The following UNC13B variants were observed in gnomAD, a reference collection of about 807,000 sequenced individuals.
The protein encoded by UNC13B is unc-13 homolog B, also known as protein unc-13 homolog B.
In UNC13B, 144 loss-of-function variants were observed where a neutral mutation model predicts 211.0. The observed-to-expected ratio is 0.68, with a 90% confidence interval of 0.60 to 0.78. The LOEUF is 0.78. Among genes scored for constraint, UNC13B ranks in the 30% least tolerant of loss-of-function variants. The pLI, the probability that UNC13B is intolerant of heterozygous loss-of-function variation, is 0.00. For synonymous variants in UNC13B, 709 were observed against 725.8 expected (o/e 0.98, Z 0.37); for missense variants, 1,777 against 2,002.0 (o/e 0.89, Z 2.14).
At chr9:35,379,662 A>G (rs1564181425) in intron 17 of UNC13B, among the ~76,000 whole-genome samples, 1 of 152,188 alleles carries the variant, frequency 6.6e-6, no homozygotes, top group Non-Finnish European at 1.5e-5. Flanking sequence ...TGTACAAGAC[A>G]CTATACATAA....
intron 1 of UNC13B, among the ~76,000 whole-genome samples, chr9:35,203,539 A>C (rs564171624): frequency 2.6e-5 from 4 of 152,290 alleles, no homozygotes; most frequent in African/African-American, 9.6e-5. Flanking sequence ...TGTTAGTCTG[A>C]TGGGCTTCCC....
intron 26 of UNC13B, among the ~76,000 whole-genome samples, chr9:35,395,213 G>A (rs181143488): frequency 1.8e-4 from 27 of 152,166 alleles, no homozygotes; most frequent in East Asian, 1.2e-3. Flanking sequence ...ATTCATATAC[G>A]AAAAGTCCTC....
chr9:35,266,797 T>C (rs1276832238), intron 7 of UNC13B, among the ~76,000 whole-genome samples: 1 of 152,218 alleles, frequency 6.6e-6, no homozygotes, highest in African/African-American at 2.4e-5. Flanking sequence ...ATTATTGTGA[T>C]TTATTATGTC....
At chr9:35,207,594 C>T (rs1278495777) in intron 1 of UNC13B, among the ~76,000 whole-genome samples, 1 of 151,892 alleles carries the variant, frequency 6.6e-6, no homozygotes, top group Non-Finnish European at 1.5e-5. Flanking sequence ...CTAGGCCACC[C>T]AAAGTGCTGG....
intron 7 of UNC13B, among the ~76,000 whole-genome samples, chr9:35,264,014 G>C (rs1827428459): frequency 6.6e-6 from 1 of 152,148 alleles, no homozygotes; most frequent in Non-Finnish European, 1.5e-5. Flanking sequence ...TGCAGATTTT[G>C]GTACTAAGAG....
chr9:35,353,497 C>A, intron 11 of UNC13B: 1 of 1,232,022 alleles, frequency 8.1e-7, no homozygotes, highest in Non-Finnish European at 1.0e-6. Flanking sequence ...TCAGTGTGGT[C>A]TCTGGTGGAG....
chr9:35,321,340 C>G (rs1336855495), intron 11 of UNC13B, among the ~76,000 whole-genome samples: 1 of 152,164 alleles, frequency 6.6e-6, no homozygotes, highest in Non-Finnish European at 1.5e-5. Flanking sequence ...CCCACCTCAG[C>G]CTCCCAAGTA....
intron 6 of UNC13B, among the ~76,000 whole-genome samples, chr9:35,250,128 T>TC (rs1826371805): frequency 6.6e-6 from 1 of 151,958 alleles, no homozygotes; most frequent in African/African-American, 2.4e-5. Flanking sequence ...TTATCTTTCG[T>TC]CTTTCTTCCA....
intron 7 of UNC13B, among the ~76,000 whole-genome samples, chr9:35,282,340 C>T (rs752674964): frequency 1.3e-5 from 2 of 152,124 alleles, no homozygotes; most frequent in Non-Finnish European, 2.9e-5. Context: ...TATATGTTGT[C>T]ACCCAAGTAT....
intron 6 of UNC13B, among the ~76,000 whole-genome samples, chr9:35,251,354 A>G (rs1826475942): frequency 6.6e-6 from 1 of 152,130 alleles, no homozygotes; most frequent in Middle Eastern, 3.2e-3. Context: ...GGGGGGGCCG[A>G]GGTGGTCAGA....
intron 22 of UNC13B, 180 bp from the exon 23 acceptor site, chr9:35,385,544 C>T: frequency 3.0e-6 from 3 of 985,326 alleles, no homozygotes; most frequent in Non-Finnish European, 3.6e-6. Flanking sequence ...TTGGCAAGAG[C>T]CTGTTTGCAT....
At chr9:35,335,712 AG>A (rs145275158) in intron 11 of UNC13B, among the ~76,000 whole-genome samples, 18,045 of 147,656 alleles carry the variant, frequency 0.12, 1,474 homozygotes, top group Admixed American at 0.23. Flanking sequence ...TTTTTTTTAA[AG>A]GGGTCTTGGT....
At chr9:35,191,773 TCCAAGTA>T (rs1187301899) in intron 1 of UNC13B, among the ~76,000 whole-genome samples, 3 of 152,314 alleles carry the variant, frequency 2.0e-5, no homozygotes, top group East Asian at 3.9e-4. Context: ...ACGTCATGTT[TCCAAGTA>T]CATGAAACAA....
chr9:35,401,953 C>A, intron 37 of UNC13B: 1 of 1,550,562 alleles, frequency 6.4e-7, no homozygotes. Context: ...TCATTCAGTG[C>A]ATGATGGGAA....
chr9:35,365,110 C>T (rs1196398538), intron 11 of UNC13B, among the ~76,000 whole-genome samples: 2 of 152,192 alleles, frequency 1.3e-5, no homozygotes, highest in Admixed American at 6.5e-5. Flanking sequence ...CTTCTGTAGC[C>T]CTGTTACGTG....
At chr9:35,241,602 T>A (rs563885016) in intron 5 of UNC13B, among the ~76,000 whole-genome samples, 1 of 109,866 alleles carries the variant, frequency 9.1e-6, no homozygotes, top group Non-Finnish European at 2.1e-5. Flanking sequence ...CACACCACCA[T>A]CTTCTTTTTA....
chr9:35,257,580 CAAAAAAAAA>C (rs1160474466), intron 6 of UNC13B, among the ~76,000 whole-genome samples: 11 of 36,388 alleles, frequency 3.0e-4, no homozygotes, highest in Admixed American at 5.0e-4. Context: ...GAATCTGTAT[CAAAAAAAAA>C]AAAAAAAAAA....
In UNC13B at chr9:35,389,874, G is replaced by T. The variant is rs1835420370; in HGVS notation, c.11123G>T (p.Gly3708Val). ...LKQELPPEEQ[G>V]PSIRNLDFWP... ...CAGGAGCTACCTCCAGAGGAACAAG[G>T]GCCCAGCATTCGGAACCTGGATTTC... The change falls in exon 25 of 40, where the codon GGG becomes GTG. Residue 3708 changes from glycine (G) to valine (V), a missense_variant. Physicochemically the swap from Gly to Val is moderately radical, Grantham distance 109 (BLOSUM62 -3). Transcript: ENST00000635942. 4 of 1,614,038 alleles carry T rather than the reference G, an allele frequency of 2.5e-6. No homozygotes were observed. Among genetic ancestry groups the T allele is most frequent in the Non-Finnish European group, 3.4e-6 (4 of 1,179,982 alleles).
intron 8 of UNC13B, among the ~76,000 whole-genome samples, chr9:35,297,090 C>CTT (rs201558543): frequency 0.22 from 27,908 of 127,950 alleles, 3,527 homozygotes; most frequent in Non-Finnish European, 0.28. Context: ...TTTTAAGAAG[C>CTT]TTTTTTTTTT....
Sources: gnomAD v4.1 joint callset for allele counts (sites outside exome capture counted in the v4.1 genomes callset) on GRCh38, gnomAD v4.1.1 for gene constraint, MANE v1.5 for transcripts, NCBI Gene and HGNC (gene_info 2026-07-23, HGNC 2026-07-21) for gene names.